The following CDKN2B-AS1 variants were observed in gnomAD, a reference collection of about 807,000 sequenced individuals.
The protein encoded by CDKN2B-AS1 is CDKN2B antisense RNA 1 (non-protein coding).
chr9:22,074,722 A>G (rs747832492), intron 4 of CDKN2B-AS1, among the ~76,000 whole-genome samples: 18 of 152,056 alleles, frequency 1.2e-4, no homozygotes, highest in Non-Finnish European at 2.2e-4. Context: ...CCCACCCACT[A>G]CCTCTCCTGG....
At chr9:22,012,086 A>G in intron 1 of CDKN2B-AS1, 1 of 683,888 alleles carries the variant, frequency 1.5e-6, no homozygotes, top group South Asian at 1.7e-5. Context: ...TATGACCTTG[A>G]TATAGAAGTA....
chr9:22,003,214 G>T (rs1042183106), intron 1 of CDKN2B-AS1: 1 of 217,242 alleles, frequency 4.6e-6, no homozygotes. Context: ...GCATTGATAA[G>T]TTACTATTTC....
intron 3 of CDKN2B-AS1, chr9:22,056,242 T>A (rs1823567541): frequency 1.4e-5 from 2 of 140,826 alleles, no homozygotes; most frequent in African/African-American, 5.4e-5. Context: ...ATATTTTTTT[T>A]TTTTTCCAGT....
At chr9:22,075,658 T>C (rs1026418747) in intron 4 of CDKN2B-AS1, among the ~76,000 whole-genome samples, 16 of 152,172 alleles carry the variant, frequency 1.1e-4, no homozygotes, top group African/African-American at 3.9e-4. Context: ...TGCATGTAAC[T>C]TGACATTTAT....
intron 3 of CDKN2B-AS1, among the ~76,000 whole-genome samples, chr9:22,050,238 AAG>A (rs1313467753): frequency 1.3e-5 from 2 of 152,206 alleles, no homozygotes; most frequent in Non-Finnish European, 2.9e-5. Context: ...TAATCCTGTG[AAG>A]TAGGTTTTAT....
At chr9:22,019,853 T>A (rs1470449887) in intron 1 of CDKN2B-AS1, among the ~76,000 whole-genome samples, 1 of 152,166 alleles carries the variant, frequency 6.6e-6, no homozygotes, top group Non-Finnish European at 1.5e-5. Flanking sequence ...ATCCTAGGAA[T>A]TAATACCAAA....
chr9:22,053,243 T>A (rs1309350231), intron 3 of CDKN2B-AS1, among the ~76,000 whole-genome samples: 1 of 152,328 alleles, frequency 6.6e-6, no homozygotes, highest in East Asian at 1.9e-4. Context: ...TCTTTATCAC[T>A]AGGTTATTTA....
chr9:22,084,830 G>A (rs955780642), intron 4 of CDKN2B-AS1, among the ~76,000 whole-genome samples: 7 of 152,178 alleles, frequency 4.6e-5, no homozygotes, highest in African/African-American at 1.7e-4. Context: ...AGACTGGCTG[G>A]TTAAAACTGA....
At chr9:22,094,755 C>T (rs1212976772) in intron 4 of CDKN2B-AS1, among the ~76,000 whole-genome samples, 1 of 143,600 alleles carries the variant, frequency 7.0e-6, no homozygotes, top group African/African-American at 2.9e-5. Context: ...GCCATGGGTT[C>T]GAACTTCCTC....
At chr9:22,109,267 C>G (rs1329254673) in intron 4 of CDKN2B-AS1, among the ~76,000 whole-genome samples, 1 of 152,160 alleles carries the variant, frequency 6.6e-6, no homozygotes, top group Non-Finnish European at 1.5e-5. Flanking sequence ...CTGATAAGGT[C>G]CTGAAGCAAG....
chr9:22,003,966 A>G (rs971476756), intron 1 of CDKN2B-AS1: 6 of 232,650 alleles, frequency 2.6e-5, no homozygotes, highest in African/African-American at 1.3e-4. Context: ...CAAGACAACC[A>G]TAATCAGCTG....
chr9:22,041,588 G>A (rs1008382979), intron 1 of CDKN2B-AS1, among the ~76,000 whole-genome samples: 4 of 152,034 alleles, frequency 2.6e-5, no homozygotes, highest in African/African-American at 9.7e-5. Context: ...GTGACCTTCT[G>A]TTGTAAATGG....
intron 1 of CDKN2B-AS1, among the ~76,000 whole-genome samples, chr9:21,998,382 C>A (rs533852545): frequency 2.2e-3 from 338 of 152,312 alleles, no homozygotes; most frequent in Non-Finnish European, 3.9e-3. Flanking sequence ...GATTATTACT[C>A]CTGTTTTACA....
intron 1 of CDKN2B-AS1, among the ~76,000 whole-genome samples, chr9:22,034,040 G>A (rs1312380848): frequency 3.3e-5 from 5 of 152,138 alleles, no homozygotes; most frequent in East Asian, 3.9e-4. Context: ...GTGTAACTTC[G>A]ATAAAAGACA....
At chr9:22,062,876 AG>A (rs1299579098) in intron 4 of CDKN2B-AS1, among the ~76,000 whole-genome samples, 3 of 151,582 alleles carry the variant, frequency 2.0e-5, no homozygotes. Context: ...AAGCAGAGGG[AG>A]GGGGCAAAGT....
At chr9:22,020,675 C>G (rs1249921138) in intron 1 of CDKN2B-AS1, among the ~76,000 whole-genome samples, 1 of 152,092 alleles carries the variant, frequency 6.6e-6, no homozygotes, top group Non-Finnish European at 1.5e-5. Context: ...ACATGTATGT[C>G]TTCTTTTGAA....
chr9:22,042,461 G>A (rs1563941493), intron 1 of CDKN2B-AS1, among the ~76,000 whole-genome samples: 1 of 152,036 alleles, frequency 6.6e-6, no homozygotes, highest in South Asian at 2.1e-4. Context: ...AAAGAGGATG[G>A]CATAGAAATG....
rs1485450464 is a variant in CDKN2B-AS1 at position 22,000,783 on chromosome 9, C to A, written n.29+5622C>A. On this transcript the variant is annotated intron_variant and non_coding_transcript_variant, in intron 1 of 4. Transcript: ENST00000650946. This position sits in a 1 kb window ranked among gnomAD's most constrained non-coding sequence, Gnocchi z 4.1. ...TAACAAACAATAACAGTACTTGCAG[C>A]TTAATTAAAGAAAAAATGCAAGTAT... Among the ~76,000 whole-genome samples, 3 of 152,130 alleles carry A rather than the reference C, an allele frequency of 2.0e-5. No homozygotes were observed. The highest frequency in any genetic ancestry group is 3.9e-4 in the East Asian group (2 of 5,188).
chr9:22,062,986 C>CACACACACACATATAT (rs374229516), intron 4 of CDKN2B-AS1, among the ~76,000 whole-genome samples: 31 of 136,812 alleles, frequency 2.3e-4, no homozygotes, highest in South Asian at 2.0e-3. Flanking sequence ...GACACACACA[C>CACACACACACATATAT]ATATATATAT....
Sources: gnomAD v4.1 joint callset for allele counts (sites outside exome capture counted in the v4.1 genomes callset) on GRCh38, gnomAD v4.1.1 for gene constraint, Gnocchi (gnomAD v3.1) non-coding constraint, MANE v1.5 for transcripts, NCBI Gene and HGNC (gene_info 2026-07-23, HGNC 2026-07-21) for gene names.